Variants in SIGLEC8 observed in about 807,000 individuals in gnomAD.
SIGLEC8 encodes sialic acid-binding Ig-like lectin 8.
A neutral mutation model predicts 42.1 loss-of-function variants in SIGLEC8; 32 were observed. The ratio of observed to expected loss-of-function variants is 0.76; its 90% confidence interval spans 0.57 to 1.02. SIGLEC8 has a LOEUF of 1.02. Ranked by LOEUF, SIGLEC8 falls within the 50% of genes least tolerant of loss-of-function variation. The pLI, the probability that SIGLEC8 is intolerant of heterozygous loss-of-function variation, is 0.00. For synonymous variants in SIGLEC8, 262 were observed against 260.3 expected (o/e 1.01, Z -0.06); for missense variants, 611 against 610.2 (o/e 1.00, Z -0.01).
rs778598897 is a variant in SIGLEC8 at position 51,458,414 on chromosome 19, C to A, written c.-27G>T. 1.9e-6 allele frequency: 3 copies of A among 1,600,060 alleles called. No individual in the cohort carries two copies. The East Asian group carries it at 6.7e-5, about 36-fold the overall frequency. On this transcript the variant is annotated 5_prime_UTR_variant, in exon 1 of 7. Coordinates refer to ENST00000321424, the MANE Select transcript of SIGLEC8 (RefSeq NM_014442.3). ...TCTGGGTTTGAAGGCGCCAGGGCCG[C>A]CAGGGAACGTCTGTTCCTCAGGGTT...
chr19:51,457,205 C>T lies in SIGLEC8; in HGVS notation c.760G>A (p.Val254Ile), dbSNP rs1989515290. 6.2e-7 allele frequency: 1 copy of T among 1,613,880 alleles called. No homozygotes were observed. Among genetic ancestry groups the T allele is most frequent in the Non-Finnish European group, 8.5e-7 (1 of 1,179,848 alleles). The stretch of plus-strand genomic sequence containing the variant: ...CTACCTGTGGCATCTCCTTGGAAGA[C>T]AGTCATGGTCAAGTTCCAAGGAGGG... ...SYPPWNLTMT[V>I]FQGDATASTA... The change falls in exon 3 of 7, where the codon GTC becomes ATC. Residue 254 changes from valine to isoleucine, a missense_variant. Val to Ile is a conservative substitution (Grantham distance 29). Transcript: ENST00000321424.
intron 3 of SIGLEC8, 36 bp from the exon 4 acceptor site, chr19:51,455,723 G>A (rs762202749): frequency 4.5e-6 from 7 of 1,563,398 alleles, no homozygotes; most frequent in South Asian, 1.1e-5. Flanking sequence ...TCCCATTACT[G>A]GGTATATACC....
Position 51,452,652 on chromosome 19 carries a change from G to T in SIGLEC8, c.1246-19C>A. On this transcript the variant is annotated intron_variant, in intron 6 of 6. Transcript: ENST00000321424. ...GGGGTCCCTGGACAGAGAGAGAGAA[G>T]GGAGTCAGAACAGAGCAGTGGGGCC... 6.6e-7 allele frequency: 1 copy of T among 1,505,082 alleles called. No individual in the cohort carries two copies. The highest frequency in any genetic ancestry group is 1.4e-5 in the South Asian group (1 of 73,906). 93.2% of individuals were successfully genotyped at this position (1,505,082 alleles called of 1,614,324 possible).
At chr19:51,453,919 A>G (rs1471650864) in intron 6 of SIGLEC8, 2 of 985,058 alleles carry the variant, frequency 2.0e-6, no homozygotes, top group Admixed American at 6.2e-5. Context: ...GGCCAGGGAG[A>G]AGAGATGCCA....
rs1989393544 is a variant in SIGLEC8, at chr19:51,452,636, G to A, written c.1246-3C>T. ...TTCCAGGATTCAGTCAGGGGTCCCT[G>A]GACAGAGAGAGAGAAGGGAGTCAGA... is the stretch of plus-strand genomic sequence containing the variant. On this transcript the variant is annotated splice_region_variant and splice_polypyrimidine_tract_variant and intron_variant, in intron 6 of 6. Transcript: ENST00000321424. The A allele has an allele frequency of 6.6e-7, 1 of 1,514,628 alleles. No homozygotes were observed. Among genetic ancestry groups the A allele is most frequent in the East Asian group, 2.3e-5 (1 of 43,684 alleles). 93.8% of individuals were successfully genotyped at this position (1,514,628 alleles called of 1,614,324 possible).
rs1361751024 is a variant in SIGLEC8, at chr19:51,457,455, A to G, written c.733+6T>C. 2 of 1,613,378 alleles carry G rather than the reference A, an allele frequency of 1.2e-6. No homozygotes were observed. The highest frequency in any genetic ancestry group is 2.2e-5 in the South Asian group (2 of 91,040). On this transcript the variant is annotated splice_donor_region_variant and intron_variant, in intron 2 of 6. Coordinates refer to ENST00000321424, the MANE Select transcript of SIGLEC8 (RefSeq NM_014442.3). ...AGGGACCTGGGCATCTTGGTCCAGC[A>G]CTCACAGGACACATCGAGGCGGACG...
rs999599851 is a variant in SIGLEC8 at position 51,458,085 on chromosome 19, G to C, written c.303C>G (p.Asp101Glu). ...TCAGGGAGCAGTCGTTGCTCCAAATGTCCCCAAGGAGTTGGAATCGGCCCT... is the reference window on the plus strand; with the variant it reads ...TCAGGGAGCAGTCGTTGCTCCAAATCTCCCCAAGGAGTTGGAATCGGCCCT... ...ETQGRFQLLG[D>E]IWSNDCSLSI... Residue 101 changes from aspartate (D) to glutamate (E), a missense_variant, in exon 1 of 7, where the codon GAC (aspartate) becomes GAG (glutamate). Asp to Glu is a conservative substitution (Grantham distance 45). Transcript: ENST00000321424. 1 of 1,614,140 alleles carries C rather than the reference G, an allele frequency of 6.2e-7. No individual in the cohort carries two copies. Among genetic ancestry groups the C allele is most frequent in the South Asian group, 1.1e-5 (1 of 91,080 alleles).
intron 1 of SIGLEC8, 93 bp from the exon 2 acceptor site, chr19:51,457,832 C>A: frequency 6.5e-7 from 1 of 1,544,966 alleles, no homozygotes; most frequent in Non-Finnish European, 8.8e-7. Context: ...CCCCGGAGAC[C>A]GACTTATTTC....
chr19:51,454,720 G>A lies in SIGLEC8; in HGVS notation c.1112C>T (p.Ala371Val). 2 of 1,613,818 alleles carry A rather than the reference G, an allele frequency of 1.2e-6. No homozygotes were observed. Among genetic ancestry groups the A allele is most frequent in the Non-Finnish European group, 1.7e-6 (2 of 1,179,924 alleles). The change falls in exon 5 of 7, where the codon GCC becomes GTC. Residue 371 changes from alanine to valine, a missense_variant. Coordinates refer to ENST00000321424, the MANE Select transcript of SIGLEC8 (RefSeq NM_014442.3). This position sits in a 1 kb window ranked among gnomAD's most constrained non-coding sequence, Gnocchi z 4.7. The part of the protein sequence containing the change: ...LAAVGGAGAT[A>V]LAFLSFCIIF... ...GATGCAGAAGGACAGGAAGGCCAGG[G>A]CTGTGGCTCCAGCTCCCCCGACTGC...
chr19:51,451,475 T>G lies in SIGLEC8; in HGVS notation c.*904A>C, dbSNP rs1459613086. 6.6e-6 allele frequency: 1 copy of G among 152,196 alleles called. No individual in the cohort carries two copies. The highest frequency in any genetic ancestry group is 1.5e-5 in the Non-Finnish European group (1 of 68,050). 9.4% of individuals were successfully genotyped at this position (152,196 alleles called of 1,614,324 possible). A position where few individuals can be genotyped will look rare whatever the true frequency, so the allele number is the denominator to read the frequency against. On this transcript the variant is annotated 3_prime_UTR_variant, in exon 7 of 7. Transcript: ENST00000321424. ...ATTGCTGCTCCCTCTTTTGTAAAAGTCAATGCCCTCAAGGAATTTATTTCC... is the reference window on the plus strand; with the variant it reads ...ATTGCTGCTCCCTCTTTTGTAAAAGGCAATGCCCTCAAGGAATTTATTTCC...
In SIGLEC8 at chr19:51,454,765, A is replaced by G. The variant is rs1251929342; in HGVS notation, c.1067T>C (p.Val356Ala). ...GACTGCTGCCAGTGTCACTTGTGAT[A>G]CAGGTCTTGAGGTGCCTGCAGATGG... is the stretch of plus-strand genomic sequence containing the variant. Reference protein sequence around the residue: ...QNEGTGTSRPVSQVTLAAVGG... With the variant: ...QNEGTGTSRPASQVTLAAVGG... The change falls in exon 5 of 7, where the codon GTA (valine) becomes GCA (alanine). Residue 356 changes from valine (V) to alanine (A), a missense_variant. Transcript: ENST00000321424. This position sits in a 1 kb window ranked among gnomAD's most constrained non-coding sequence, Gnocchi z 4.7. The G allele has an allele frequency of 1.2e-6, 2 of 1,613,702 alleles. No individual in the cohort carries two copies. Among genetic ancestry groups the G allele is most frequent in the East Asian group, 4.5e-5 (2 of 44,870 alleles).
chr19:51,456,699 G>C (rs1000496456), intron 3 of SIGLEC8, among the ~76,000 whole-genome samples: 3 of 152,206 alleles, frequency 2.0e-5, no homozygotes, highest in African/African-American at 7.2e-5. Flanking sequence ...CTGGACGGAC[G>C]CTGGTCAGTT....
chr19:51,452,302 T>G lies in SIGLEC8; in HGVS notation c.*77A>C. On this transcript the variant is annotated 3_prime_UTR_variant, in exon 7 of 7. Coordinates refer to ENST00000321424, the MANE Select transcript of SIGLEC8 (RefSeq NM_014442.3). ...GAAAGGGGAGACATTGGTCCAAGTT[T>G]TGGTTAGACAGGAGGAGGGAGCCCT... 1 of 1,310,114 alleles carries G rather than the reference T, an allele frequency of 7.6e-7. No individual in the cohort carries two copies. Among genetic ancestry groups the G allele is most frequent in the South Asian group, 1.6e-5 (1 of 62,550 alleles). 81.2% of individuals were successfully genotyped at this position (1,310,114 alleles called of 1,614,324 possible).
Position 51,451,003 on chromosome 19 carries a change from A to T in SIGLEC8, c.*1376T>A, listed in dbSNP as rs1225594610. The T allele has an allele frequency of 6.6e-6, 1 of 152,228 alleles. No individual in the cohort carries two copies. The highest frequency in any genetic ancestry group is 1.9e-4 in the East Asian group (1 of 5,196). The allele number at this position is 152,228 out of a possible 1,614,324, so 9.4% of individuals were successfully genotyped here. A position where few individuals can be genotyped will look rare whatever the true frequency, so the allele number is the denominator to read the frequency against. On this transcript the variant is annotated 3_prime_UTR_variant, in exon 7 of 7. Coordinates refer to ENST00000321424, the MANE Select transcript of SIGLEC8 (RefSeq NM_014442.3). ...AGAAATACCTGAGACTGAGTAATTT[A>T]TAAATGAAAGAGGTGTAATTGACTC...
chr19:51,457,037 G>A (rs546364635), intron 3 of SIGLEC8, 147 bp downstream of exon 3: 7 of 755,076 alleles, frequency 9.3e-6, no homozygotes, highest in Admixed American at 5.5e-5. Flanking sequence ...ATGGTCACGC[G>A]GGCTGGAGAT....
intron 6 of SIGLEC8, chr19:51,453,869 C>T (rs992106292): frequency 2.9e-5 from 29 of 984,982 alleles, no homozygotes; most frequent in Non-Finnish European, 3.3e-5. Context: ...AATCAGGTCC[C>T]GCCAATAGGA....
chr19:51,455,306 T>G (rs1212900429), intron 4 of SIGLEC8, 112 bp downstream of exon 4: 1 of 1,390,224 alleles, frequency 7.2e-7, no homozygotes, highest in Non-Finnish European at 9.7e-7. Flanking sequence ...GTTCCAGGCC[T>G]CACAGCTGAG....
rs749371436 is a variant in SIGLEC8, at chr19:51,454,820, G to A, written c.1052-40C>T. On this transcript the variant is annotated intron_variant, in intron 4 of 6. Coordinates refer to ENST00000321424, the MANE Select transcript of SIGLEC8 (RefSeq NM_014442.3). The surrounding 1 kb of genome is among the most constrained non-coding windows in gnomAD (Gnocchi z 4.7). ...GAGTTGCTTTGGGGATTTATATCACGGAGAAGTGGGTCTCTTCCCCTCCCA... is the reference window on the plus strand; with the variant it reads ...GAGTTGCTTTGGGGATTTATATCACAGAGAAGTGGGTCTCTTCCCCTCCCA... The A allele has an allele frequency of 6.1e-6, 9 of 1,465,600 alleles. No individual in the cohort carries two copies. Among genetic ancestry groups the A allele is most frequent in the East Asian group, 2.3e-5 (1 of 44,124 alleles). 90.8% of individuals were successfully genotyped at this position (1,465,600 alleles called of 1,614,324 possible). A position where few individuals can be genotyped will look rare whatever the true frequency, so the allele number is the denominator to read the frequency against.
Sources: allele counts gnomAD v4.1 joint callset (sites outside exome capture counted in the v4.1 genomes callset), GRCh38; gene constraint gnomAD v4.1.1; non-coding constraint Gnocchi (gnomAD v3.1); transcripts MANE v1.5; gene names NCBI Gene and HGNC (gene_info 2026-07-23, HGNC 2026-07-21).